Variants in VPS13B observed in about 807,000 individuals in gnomAD.
VPS13B encodes vacuolar protein sorting 13 homolog B.
VPS13B carries 285 observed loss-of-function variants against 426.4 expected under a neutral mutation model. That is an observed-to-expected ratio of 0.67 (90% confidence interval 0.61 to 0.74). The LOEUF is 0.74. Among genes scored for constraint, VPS13B ranks in the 30% least tolerant of loss-of-function variants. The pLI is 0.00. For missense variants in VPS13B, 4,537 were observed against 4,782.6 expected, an observed-to-expected ratio of 0.95 and a Z score of 1.51; for synonymous variants, 1,676 against 1,676.4, an observed-to-expected ratio of 1.00 and a Z score of 0.01.
chr8:99,606,303 T>G (rs1325733976), intron 33 of VPS13B, among the ~76,000 whole-genome samples: 1 of 152,074 alleles, frequency 6.6e-6, no homozygotes, highest in East Asian at 1.9e-4. Flanking sequence ...ATAGAAATTA[T>G]CACAAACTTA....
intron 3 of VPS13B, among the ~76,000 whole-genome samples, chr8:99,073,990 C>CA (rs751858282): frequency 2.9e-4 from 44 of 151,972 alleles, no homozygotes; most frequent in Non-Finnish European, 5.1e-4. Context: ...AGGCTGGCCT[C>CA]AAACTACTGG....
At chr8:99,047,029 A>T (rs1243591062) in intron 3 of VPS13B, among the ~76,000 whole-genome samples, 5 of 152,128 alleles carry the variant, frequency 3.3e-5, no homozygotes, top group African/African-American at 1.2e-4. Context: ...TATTAGGGTG[A>T]TATCGGTTTC....
intron 19 of VPS13B, among the ~76,000 whole-genome samples, chr8:99,333,825 G>A (rs1810673532): frequency 6.6e-6 from 1 of 151,948 alleles, no homozygotes; most frequent in Non-Finnish European, 1.5e-5. Context: ...TTCTCTGGAT[G>A]TATACATGTA....
chr8:99,796,029 C>A (rs185193992), intron 43 of VPS13B, among the ~76,000 whole-genome samples: 2 of 151,880 alleles, frequency 1.3e-5, no homozygotes, highest in African/African-American at 2.4e-5. Context: ...GCAGAATTTG[C>A]GAGTTGGGCT....
At chr8:99,332,235 T>A (rs1810581091) in intron 19 of VPS13B, among the ~76,000 whole-genome samples, 1 of 151,550 alleles carries the variant, frequency 6.6e-6, no homozygotes, top group South Asian at 2.1e-4. Flanking sequence ...TGACTTAGGT[T>A]TTTTCAGTAT....
At chr8:99,256,486 G>A (rs913068969) in intron 17 of VPS13B, among the ~76,000 whole-genome samples, 4 of 152,092 alleles carry the variant, frequency 2.6e-5, no homozygotes, top group Non-Finnish European at 5.9e-5. Context: ...GTTTTCCACT[G>A]TACCATTTTA....
chr8:99,577,016 A>T (rs1218610894), intron 32 of VPS13B, among the ~76,000 whole-genome samples: 3 of 152,112 alleles, frequency 2.0e-5, no homozygotes, highest in Non-Finnish European at 4.4e-5. Context: ...GCCCAACTAG[A>T]TTATAACCTC....
At chr8:99,043,423 CCTCT>C (rs887373276) in intron 3 of VPS13B, among the ~76,000 whole-genome samples, 2 of 151,958 alleles carry the variant, frequency 1.3e-5, no homozygotes, top group African/African-American at 4.8e-5. Flanking sequence ...AGAGGTATCA[CCTCT>C]CTCTTAGCTT....
chr8:99,583,677 T>G (rs1471490191), intron 33 of VPS13B, among the ~76,000 whole-genome samples: 1 of 152,182 alleles, frequency 6.6e-6, no homozygotes, highest in Non-Finnish European at 1.5e-5. Flanking sequence ...AATAGGAACT[T>G]GAAGGTAAAG....
At chr8:99,371,344 TC>T (rs1429953702) in intron 19 of VPS13B, among the ~76,000 whole-genome samples, 1 of 152,200 alleles carries the variant, frequency 6.6e-6, no homozygotes, top group Non-Finnish European at 1.5e-5. Flanking sequence ...AAATAGGGAA[TC>T]CTTTTCCCGT....
At chr8:99,715,323 A>G (rs1832867799) in intron 36 of VPS13B, among the ~76,000 whole-genome samples, 1 of 152,240 alleles carries the variant, frequency 6.6e-6, no homozygotes, top group Non-Finnish European at 1.5e-5. Flanking sequence ...GCCCAGGACT[A>G]CACTGAATAA....
At chr8:99,317,912 T>C (rs1227484095) in intron 19 of VPS13B, among the ~76,000 whole-genome samples, 2 of 152,200 alleles carry the variant, frequency 1.3e-5, no homozygotes, top group African/African-American at 2.4e-5. Flanking sequence ...AATCACAAGC[T>C]AATAGGGGAT....
At chr8:99,811,209 C>T (rs1813679777) in intron 44 of VPS13B, among the ~76,000 whole-genome samples, 1 of 152,150 alleles carries the variant, frequency 6.6e-6, no homozygotes, top group Non-Finnish European at 1.5e-5. Context: ...CTACCACCAG[C>T]TAAGTTTTCT....
chr8:99,485,995 G>A (rs1820281292), intron 25 of VPS13B, among the ~76,000 whole-genome samples: 1 of 151,888 alleles, frequency 6.6e-6, no homozygotes, highest in Admixed American at 6.6e-5. Context: ...TTCTCATGTG[G>A]TTTGTAATAT....
chr8:99,035,857 A>G (rs1431704585), intron 2 of VPS13B, among the ~76,000 whole-genome samples: 2 of 152,134 alleles, frequency 1.3e-5, no homozygotes, highest in Non-Finnish European at 2.9e-5. Context: ...TATGGCTGAG[A>G]GATATCTCAT....
intron 35 of VPS13B, among the ~76,000 whole-genome samples, chr8:99,676,267 G>A (rs1456585548): frequency 6.6e-6 from 1 of 152,116 alleles, no homozygotes; most frequent in Non-Finnish European, 1.5e-5. Flanking sequence ...TTGGCACAGT[G>A]CTGGGGCATA....
At position 99,469,932 on chromosome 8, in the gene VPS13B, C is replaced by T. The variant is rs1000171433; in HGVS notation, c.3666+2298C>T. On this transcript the variant is annotated intron_variant, in intron 24 of 61. Coordinates refer to ENST00000357162, the MANE Select transcript of VPS13B (RefSeq NM_152564.5). ...AGATTGAACTAGTGGAGCTGTAAGC[C>T]AAGGAGCACCCAAGATGGATAGTTC... Among the ~76,000 whole-genome samples, 4 of 152,030 alleles carry T rather than the reference C, an allele frequency of 2.6e-5. No homozygotes were observed. In the East Asian group the frequency reaches 7.7e-4, roughly 29 times the overall value.
intron 17 of VPS13B, among the ~76,000 whole-genome samples, chr8:99,239,171 A>G (rs751295691): frequency 1.5e-4 from 23 of 152,204 alleles, no homozygotes; most frequent in Non-Finnish European, 2.5e-4. Flanking sequence ...TAATTCAGAT[A>G]CTAATGACTG....
chr8:99,038,473 G>C lies in VPS13B; in HGVS notation c.198G>C (p.Arg66Ser). The C allele has an allele frequency of 6.2e-7, 1 of 1,609,130 alleles. No individual in the cohort carries two copies. The highest frequency in any genetic ancestry group is 8.5e-7 in the Non-Finnish European group (1 of 1,176,930). Residue 66 changes from arginine (R) to serine (S), a missense_variant, in exon 3 of 62, where the codon AGG becomes AGC. Arg to Ser is a moderately radical substitution (Grantham distance 110). Around this residue, in one of 2 missense-constraint regions of VPS13B, gnomAD observed 226 missense variants for 308.3 expected, o/e 0.73. Transcript: ENST00000357162. Reference sequence around the variant, plus strand: ...TAAGTGGACATATTCATGAATTGAGGATTCATGTACCATGGACAAAACTGG... The same window carrying C: ...TAAGTGGACATATTCATGAATTGAGCATTCATGTACCATGGACAAAACTGG... ...TFLSGHIHEL[R>S]IHVPWTKLGS...
Sources: allele counts gnomAD v4.1 joint callset (sites outside exome capture counted in the v4.1 genomes callset), GRCh38; gene constraint gnomAD v4.1.1; regional missense constraint gnomAD v4.1.1; transcripts MANE v1.5; gene names NCBI Gene and HGNC (gene_info 2026-07-23, HGNC 2026-07-21).